The following TMED10 variants were observed in gnomAD, a reference collection of about 807,000 sequenced individuals.
TMED10 encodes transmembrane emp24 domain-containing protein 10.
TMED10 carries 7 observed loss-of-function variants against 23.1 expected under a neutral mutation model. That is an observed-to-expected ratio of 0.30 (90% CI 0.17 to 0.57). TMED10 has a LOEUF of 0.57. TMED10 is among the 20% of genes least tolerant of loss of function. The probability of loss-of-function intolerance (pLI) is 0.91; values close to 1 mark genes in which losing one functional copy is unlikely to be tolerated. For synonymous variants in TMED10, 113 were observed against 106.9 expected (o/e 1.06, Z -0.35); for missense variants, 162 against 274.8 (o/e 0.59, Z 2.90).
chr14:75,164,555 ATATATATATATATATATATATATTTTTT>A (rs1896130226), intron 1 of TMED10, among the ~76,000 whole-genome samples: 1 of 12,432 alleles, frequency 8.0e-5, no homozygotes, highest in Admixed American at 1.7e-3. Context: ...ATATATATAT[ATATATATATATATATATATATATTTTTT>A]TTTTTTTTTT....
intron 4 of TMED10, among the ~76,000 whole-genome samples, chr14:75,135,304 G>A (rs576890548): frequency 2.0e-5 from 3 of 152,202 alleles, no homozygotes; most frequent in South Asian, 4.2e-4. Flanking sequence ...GCCAGGCATG[G>A]TGGCTTGTGC....
At chr14:75,163,716 T>C (rs1354852079) in intron 1 of TMED10, among the ~76,000 whole-genome samples, 5 of 152,132 alleles carry the variant, frequency 3.3e-5, no homozygotes, top group East Asian at 1.9e-4. Context: ...CTGTAAACAC[T>C]TGGGCATGTT....
chr14:75,165,406 T>G (rs535654327), intron 1 of TMED10, among the ~76,000 whole-genome samples: 9 of 152,186 alleles, frequency 5.9e-5, no homozygotes, highest in African/African-American at 2.2e-4. Context: ...TTTTGTATTT[T>G]TAGTAGAGAC....
At chr14:75,151,151 C>T (rs910635228) in intron 2 of TMED10, among the ~76,000 whole-genome samples, 14 of 152,024 alleles carry the variant, frequency 9.2e-5, no homozygotes, top group African/African-American at 3.1e-4. Context: ...GGTGATCCGC[C>T]CGCCTCGGCC....
At chr14:75,162,808 GA>G (rs959273263) in intron 1 of TMED10, among the ~76,000 whole-genome samples, 229 of 146,364 alleles carry the variant, frequency 1.6e-3, no homozygotes, top group African/African-American at 5.3e-3. Flanking sequence ...GTTTTGACAA[GA>G]AAAAAAAAAT....
intron 1 of TMED10, among the ~76,000 whole-genome samples, chr14:75,164,560 TATATATATA>T (rs1896131718): frequency 1.8e-4 from 1 of 5,584 alleles, no homozygotes; most frequent in Non-Finnish European, 3.5e-4. Flanking sequence ...TATATATATA[TATATATATA>T]TATATATATT....
At chr14:75,166,997 A>G (rs566164651) in intron 1 of TMED10, among the ~76,000 whole-genome samples, 3 of 141,628 alleles carry the variant, frequency 2.1e-5, no homozygotes, top group African/African-American at 8.0e-5. Flanking sequence ...GCTGGAGTGC[A>G]GTGGCGTGAT....
chr14:75,174,757 A>C (rs1457459757), intron 1 of TMED10, among the ~76,000 whole-genome samples: 1 of 152,018 alleles, frequency 6.6e-6, no homozygotes, highest in Non-Finnish European at 1.5e-5. Context: ...AAAAGTAAAA[A>C]CGAGGCCAGG....
intron 3 of TMED10, among the ~76,000 whole-genome samples, chr14:75,138,399 A>C (rs551255186): frequency 2.4e-4 from 37 of 152,366 alleles, no homozygotes; most frequent in African/African-American, 8.4e-4. Context: ...GTAACTGCAG[A>C]ACAGCTTCTG....
chr14:75,135,914 C>G, intron 3 of TMED10, 28 bp from the exon 4 acceptor site: 1 of 1,611,142 alleles, frequency 6.2e-7, no homozygotes, highest in African/African-American at 1.3e-5. Flanking sequence ...ATTTTCAGCT[C>G]TCTGAAAACA....
chr14:75,169,086 G>A (rs1467127659), intron 1 of TMED10, among the ~76,000 whole-genome samples: 2 of 152,226 alleles, frequency 1.3e-5, no homozygotes, highest in African/African-American at 2.4e-5. Context: ...GATCAGAGAT[G>A]AGGCAAAGAC....
chr14:75,151,992 A>G (rs777168769), intron 2 of TMED10, 40 bp downstream of exon 2: 3 of 1,531,180 alleles, frequency 2.0e-6, no homozygotes, highest in South Asian at 2.3e-5. Context: ...TTAGAGTTGG[A>G]GAAGATTCTT....
Position 75,176,278 on chromosome 14 carries a change from G to A in TMED10, c.225+77C>T. 4 of 1,566,656 alleles carry A rather than the reference G, an allele frequency of 2.6e-6. No individual in the cohort carries two copies. The Admixed American group carries it at 5.1e-5, about 20-fold the overall frequency. Reference sequence around the variant, plus strand: ...ACAACTCCCAGGCCTCCGCCGGCCCGACTCCCCCGAACCCGAGCCTCCCCT... The same window carrying A: ...ACAACTCCCAGGCCTCCGCCGGCCCAACTCCCCCGAACCCGAGCCTCCCCT... On this transcript the variant is annotated intron_variant, in intron 1 of 4. Transcript: ENST00000303575.
At chr14:75,166,920 A>T (rs569551264) in intron 1 of TMED10, among the ~76,000 whole-genome samples, 3 of 149,662 alleles carry the variant, frequency 2.0e-5, no homozygotes, top group African/African-American at 7.4e-5. Context: ...TCGATGACTG[A>T]GCAACATGCA....
At chr14:75,166,939 C>CTTTT (rs35308116) in intron 1 of TMED10, among the ~76,000 whole-genome samples, 1 of 114,558 alleles carries the variant, frequency 8.7e-6, no homozygotes, top group African/African-American at 3.4e-5. Flanking sequence ...CATCCTATTC[C>CTTTT]TTTTTTTTTT....
At position 75,133,273 on chromosome 14, in the gene TMED10, A is replaced by G. The variant is rs1245782746; in HGVS notation, c.*1612T>C. On this transcript the variant is annotated 3_prime_UTR_variant, in exon 5 of 5. Transcript: ENST00000303575. ...GGAATTTTATCTAGGATATATAAAAAACCTCTCAAAACTCAATAGTAAAAA... is the reference window on the plus strand; with the variant it reads ...GGAATTTTATCTAGGATATATAAAAGACCTCTCAAAACTCAATAGTAAAAA... 3 of 152,246 alleles carry G rather than the reference A, an allele frequency of 2.0e-5. No individual in the cohort carries two copies. The allele number at this position is 152,246 out of a possible 1,614,324, so 9.4% of individuals were successfully genotyped here.
At chr14:75,161,149 G>A (rs1267637540) in intron 1 of TMED10, among the ~76,000 whole-genome samples, 2 of 152,206 alleles carry the variant, frequency 1.3e-5, no homozygotes, top group African/African-American at 2.4e-5. Context: ...GCGAAAACAG[G>A]TAACTGGGAA....
At position 75,135,778 on chromosome 14, in the gene TMED10, C is replaced by T. The variant is rs1395990547; in HGVS notation, c.520G>A (p.Glu174Lys). 2 of 1,613,938 alleles carry T rather than the reference C, an allele frequency of 1.2e-6. No homozygotes were observed. Among genetic ancestry groups the T allele is most frequent in the African/African-American group, 2.7e-5 (2 of 74,922 alleles). The change falls in exon 4 of 5, where the codon GAG (glutamate) becomes AAG (lysine). Residue 174 changes from glutamate (E) to lysine (K), a missense_variant. Glu to Lys is a moderately conservative substitution (Grantham distance 56). Coordinates refer to ENST00000303575, the MANE Select transcript of TMED10 (RefSeq NM_006827.6). ...DFAYMKKREE[E>K]MRDTNESTNT... The stretch of plus-strand genomic sequence containing the variant: ...CCCTCACCGTTGGTATCACGCATCT[C>T]CTCTTCTCTCTTCTTCATGTAGGCA...
At chr14:75,137,395 G>C (rs1447178643) in intron 3 of TMED10, among the ~76,000 whole-genome samples, 4 of 149,650 alleles carry the variant, frequency 2.7e-5, no homozygotes, top group Non-Finnish European at 1.5e-5. Context: ...GTTTCTGGCC[G>C]GGTGTGGTGG....
Sources: allele counts gnomAD v4.1 joint callset (sites outside exome capture counted in the v4.1 genomes callset), GRCh38; gene constraint gnomAD v4.1.1; transcripts MANE v1.5; gene names NCBI Gene and HGNC (gene_info 2026-07-23, HGNC 2026-07-21).